The following PRPF40B variants were observed in gnomAD, a reference collection of about 807,000 sequenced individuals.
PRPF40B encodes pre-mRNA processing factor 40B.
A neutral mutation model predicts 124.5 loss-of-function variants in PRPF40B; 56 were observed. That is an observed-to-expected ratio of 0.45 (90% CI 0.36 to 0.56). PRPF40B has a LOEUF of 0.56. Among genes scored for constraint, PRPF40B ranks in the 20% least tolerant of loss-of-function variants. The probability of loss-of-function intolerance (pLI) is 0.00; values close to 1 mark genes in which losing one functional copy is unlikely to be tolerated. For synonymous variants in PRPF40B, 443 were observed against 426.4 expected (o/e 1.04, Z -0.48); for missense variants, 1,053 against 1,169.5 (o/e 0.90, Z 1.45).
At position 49,634,003 on chromosome 12, in the gene PRPF40B, G is replaced by A. The variant is rs761606544; in HGVS notation, c.723G>A (p.Glu241=). 13 of 1,614,094 alleles carry A rather than the reference G, an allele frequency of 8.1e-6. No individual in the cohort carries two copies. Among genetic ancestry groups the A allele is most frequent in the Non-Finnish European group, 1.7e-6 (2 of 1,180,036 alleles). Residue 241 remains glutamate, a synonymous_variant, in exon 10 of 26, where the codon GAG becomes GAA. Transcript: ENST00000548825. ...TPVPTGLLEP[E]PGGSEDCDVL... ...TGCCCACAGGCCTCCTGGAACCTGA[G>A]CCAGGTGGGAGTGAAGATTGTGATG...
At chr12:49,632,735 G>T in intron 5 of PRPF40B, 112 bp downstream of exon 5, 1 of 1,596,024 alleles carries the variant, frequency 6.3e-7, no homozygotes. Context: ...ATGCCAAGGA[G>T]TCTGGGATAT....
At chr12:49,624,083 C>G (rs1182993551) in intron 1 of PRPF40B, 7 of 986,596 alleles carry the variant, frequency 7.1e-6, no homozygotes, top group Middle Eastern at 5.2e-4. Context: ...TTTGCAAGAG[C>G]TTGTCTCCTG....
intron 16 of PRPF40B, chr12:49,637,088 C>A: frequency 1.6e-6 from 1 of 630,356 alleles, no homozygotes; most frequent in Non-Finnish European, 2.7e-6. Flanking sequence ...GTAGAGAGCA[C>A]CCTACAGGCA....
At chr12:49,638,935 C>T (rs538769965) in intron 18 of PRPF40B, 2 of 152,196 alleles carry the variant, frequency 1.3e-5, no homozygotes, top group Non-Finnish European at 2.9e-5. Flanking sequence ...CTTACAAATT[C>T]ACGTAGGTGT....
In PRPF40B at chr12:49,643,206, T is replaced by A; in HGVS notation, c.2206-17T>A. Reference sequence around the variant, plus strand: ...CAGAGAACCTCTGCACTGACATGTATCTGCTGATCTGCCCAGGGCTCTGAG... The same window carrying A: ...CAGAGAACCTCTGCACTGACATGTAACTGCTGATCTGCCCAGGGCTCTGAG... On this transcript the variant is annotated splice_polypyrimidine_tract_variant and intron_variant, in intron 22 of 25. Transcript: ENST00000548825. The A allele has an allele frequency of 1.9e-6, 3 of 1,613,714 alleles. No homozygotes were observed. The East Asian group carries it at 6.7e-5, about 36-fold the overall frequency.
intron 17 of PRPF40B, 33 bp from the exon 18 acceptor site, chr12:49,637,700 G>GC: frequency 8.9e-7 from 1 of 1,127,758 alleles, no homozygotes; most frequent in South Asian, 1.3e-5. Flanking sequence ...GGAAGCTGCC[G>GC]CCCGCCAGGC....
In PRPF40B at chr12:49,633,902, C is replaced by T; in HGVS notation, c.622C>T (p.Leu208=). 6.2e-7 allele frequency: 1 copy of T among 1,614,158 alleles called. No homozygotes were observed. The highest frequency in any genetic ancestry group is 1.1e-5 in the South Asian group (1 of 91,086). ...CATCTGCAGGAAACAGCAGCAGCAG[C>T]TGCCACAGACACTTCAGCCACAGCC... The part of the protein sequence containing the change: ...QEAAGKQQQQ[L]PQTLQPQPPQ... Residue 208 remains leucine (L), a synonymous_variant, in exon 10 of 26, where the codon CTG becomes TTG. Coordinates refer to ENST00000548825, the MANE Select transcript of PRPF40B (RefSeq NM_001031698.3).
At chr12:49,641,469 T>C (rs948160714) in intron 18 of PRPF40B, 5 of 164,774 alleles carry the variant, frequency 3.0e-5, no homozygotes, top group African/African-American at 1.2e-4. Context: ...GAGGATTAAA[T>C]GAGATAATGT....
chr12:49,634,299 G>C (rs956022477), intron 10 of PRPF40B, 33 bp from the exon 11 acceptor site: 1 of 1,613,786 alleles, frequency 6.2e-7, no homozygotes, highest in African/African-American at 1.3e-5. Context: ...GAGAGCTGGG[G>C]GACCCTGTGG....
Position 49,630,627 on chromosome 12 carries a change from TA to T in PRPF40B, c.84+4del. On this transcript the variant is annotated splice_donor_region_variant and intron_variant, in intron 2 of 25. Transcript: ENST00000548825. ...CCCCCCATGATGCCACCACCCTTCG[TA>T]AGTTTTATGTCTTTCCCTGGGCTTG... The T allele has an allele frequency of 7.7e-7, 1 of 1,301,730 alleles. No individual in the cohort carries two copies. The highest frequency in any genetic ancestry group is 1.5e-5 in the African/African-American group (1 of 68,954). The allele number at this position is 1,301,730 out of a possible 1,614,324, so 80.6% of individuals were successfully genotyped here. A position where few individuals can be genotyped will look rare whatever the true frequency, so the allele number is the denominator to read the frequency against.
chr12:49,643,263 T>C lies in PRPF40B; in HGVS notation c.2246T>C (p.Leu749Pro). The change falls in exon 23 of 26, where the codon CTC (leucine) becomes CCC (proline). Residue 749 changes from leucine (L) to proline (P), a missense_variant. Coordinates refer to ENST00000548825, the MANE Select transcript of PRPF40B (RefSeq NM_001031698.3). Reference sequence around the variant, plus strand: ...GAAGAGGAGCTGCCCCCACCATCTCTCCGGCCCCCCAAGCGGAGGAGGCGG... The same window carrying C: ...GAAGAGGAGCTGCCCCCACCATCTCCCCGGCCCCCCAAGCGGAGGAGGCGG... ...SEEEELPPPS[L>P]RPPKRRRRNP... The C allele has an allele frequency of 6.2e-7, 1 of 1,614,018 alleles. No homozygotes were observed. The highest frequency in any genetic ancestry group is 1.1e-5 in the South Asian group (1 of 91,052).
In PRPF40B at chr12:49,643,296, C is replaced by T. The variant is rs1281603412; in HGVS notation, c.2279C>T (p.Ser760Leu). The T allele has an allele frequency of 1.2e-6, 2 of 1,613,122 alleles. No homozygotes were observed. Among genetic ancestry groups the T allele is most frequent in the Non-Finnish European group, 1.7e-6 (2 of 1,179,750 alleles). ...CCCAAGCGGAGGAGGCGGAACCCCT[C>T]AGAGTCAGGCTCTGAGCCCTCTTCC... ...RPPKRRRRNP[S>L]ESGSEPSSSL... The change falls in exon 23 of 26, where the codon TCA becomes TTA. Residue 760 changes from serine (S) to leucine (L), a missense_variant. Physicochemically the swap from Ser to Leu is moderately radical, Grantham distance 145 (BLOSUM62 -2). This residue lies in a region of PRPF40B where 895 missense variants were observed against 1,052.2 expected (regional missense o/e 0.85). Transcript: ENST00000548825.
intron 1 of PRPF40B, among the ~76,000 whole-genome samples, chr12:49,630,191 C>G (rs564184233): frequency 2.6e-5 from 4 of 152,270 alleles, no homozygotes; most frequent in Non-Finnish European, 4.4e-5. Context: ...GAGAGAGGCA[C>G]AGCCTTGCCC....
chr12:49,626,638 A>G (rs1940742195), intron 1 of PRPF40B, among the ~76,000 whole-genome samples: 1 of 152,182 alleles, frequency 6.6e-6, no homozygotes, highest in South Asian at 2.1e-4. Flanking sequence ...ATGAGCAAAG[A>G]AGAGTGTGGG....
Position 49,642,011 on chromosome 12 carries a change from T to A in PRPF40B, c.1871T>A (p.Leu624Gln). ...AAALDAGNIK[L>Q]TFNSLLEKAE... The stretch of plus-strand genomic sequence containing the variant: ...GCACTGGACGCAGGCAACATCAAGC[T>A]GACCTTCAATAGTGTGAGGGGCTGG... The change falls in exon 19 of 26, where the codon CTG (leucine) becomes CAG (glutamine). Residue 624 changes from leucine to glutamine, a missense_variant. Leu to Gln is a moderately radical substitution (Grantham distance 113). Transcript: ENST00000548825. This position sits in a 1 kb window ranked among gnomAD's most constrained non-coding sequence, Gnocchi z 5.8. The A allele has an allele frequency of 6.2e-7, 1 of 1,612,996 alleles. No homozygotes were observed. The highest frequency in any genetic ancestry group is 2.2e-5 in the East Asian group (1 of 44,888).
At chr12:49,633,685 A>G in intron 9 of PRPF40B, 24 bp downstream of exon 9, 3 of 1,614,070 alleles carry the variant, frequency 1.9e-6, no homozygotes, top group Non-Finnish European at 2.5e-6. Flanking sequence ...CCACCTATCC[A>G]TTTATAGTTG....
chr12:49,635,580 C>T lies in PRPF40B; in HGVS notation c.1275+107C>T. 1 of 1,142,854 alleles carries T rather than the reference C, an allele frequency of 8.8e-7. No individual in the cohort carries two copies. Among genetic ancestry groups the T allele is most frequent in the South Asian group, 1.5e-5 (1 of 65,830 alleles). 70.8% of individuals were successfully genotyped at this position (1,142,854 alleles called of 1,614,324 possible). A position where few individuals can be genotyped will look rare whatever the true frequency, so the allele number is the denominator to read the frequency against. ...TTACTTCTCTACTTCCCCAGTGTCC[C>T]AGCTTCTGACTTGGAAGCTGGTATG... is the stretch of plus-strand genomic sequence containing the variant. On this transcript the variant is annotated intron_variant, in intron 14 of 25. Transcript: ENST00000548825. This position sits in a 1 kb window ranked among gnomAD's most constrained non-coding sequence, Gnocchi z 4.1.
rs1413289650 is a variant in PRPF40B at position 49,635,245 on chromosome 12, C to T, written c.1148C>T (p.Thr383Ile). ...TTCCTGGAGCAGCATGAACGCATGA[C>T]CTCCACCACCCGCTACCGGTCAGGG... ...QHFLEQHERM[T>I]STTRYRRAEQ... Residue 383 changes from threonine to isoleucine, a missense_variant, in exon 13 of 26, where the codon ACC (threonine) becomes ATC (isoleucine). Thr to Ile is a moderately conservative substitution (Grantham distance 89, BLOSUM62 -1). This residue lies in a region of PRPF40B where 895 missense variants were observed against 1,052.2 expected (regional missense o/e 0.85). Transcript: ENST00000548825. This position sits in a 1 kb window ranked among gnomAD's most constrained non-coding sequence, Gnocchi z 4.1. 4 of 1,613,474 alleles carry T rather than the reference C, an allele frequency of 2.5e-6. No individual in the cohort carries two copies. The highest frequency in any genetic ancestry group is 3.4e-6 in the Non-Finnish European group (4 of 1,179,640).
chr12:49,639,783 A>C (rs897282265), intron 18 of PRPF40B: 2 of 152,224 alleles, frequency 1.3e-5, no homozygotes, highest in Non-Finnish European at 2.9e-5. Flanking sequence ...CAGAGGTGTC[A>C]GGGCAGTGGA....
Sources: gnomAD v4.1 joint callset for allele counts (sites outside exome capture counted in the v4.1 genomes callset) on GRCh38, gnomAD v4.1.1 for gene constraint, gnomAD v4.1.1 regional missense constraint, Gnocchi (gnomAD v3.1) non-coding constraint, MANE v1.5 for transcripts, NCBI Gene and HGNC (gene_info 2026-07-23, HGNC 2026-07-21) for gene names.